Variants in UPF3B observed in about 807,000 individuals in gnomAD.
UPF3B encodes UPF3B regulator of nonsense mediated mRNA decay.
Under a neutral mutation model 40.3 loss-of-function variants are expected in UPF3B, and 7 were observed. That is an observed-to-expected ratio of 0.17 (90% CI 0.10 to 0.33). The LOEUF (loss-of-function observed/expected upper bound fraction) is 0.33. UPF3B is among the 10% of genes least tolerant of loss of function. The pLI is 1.00. For synonymous variants in UPF3B, 117 were observed against 117.3 expected, an observed-to-expected ratio of 1.00 and a Z score of 0.01; for missense variants, 229 against 358.9, an observed-to-expected ratio of 0.64 and a Z score of 2.93.
intron 8 of UPF3B, among the ~76,000 whole-genome samples, chrX:119,839,802 T>C (rs1471002206): frequency 8.9e-6 from 1 of 112,150 alleles, no homozygotes; most frequent in Non-Finnish European, 1.9e-5. Flanking sequence ...AACATCCTTA[T>C]TAGAAACCAA....
chrX:119,815,563 G>A (rs765424541), intron 4 of UPF3B, among the ~76,000 whole-genome samples: 51 of 111,168 alleles, frequency 4.6e-4, no homozygotes, highest in Non-Finnish European at 8.3e-4. Context: ...TGTCACTCAG[G>A]CTGAAGTGCA....
intron 5 of UPF3B, among the ~76,000 whole-genome samples, chrX:119,808,166 C>A (rs2055806583): frequency 9.0e-6 from 1 of 111,673 alleles, no homozygotes; most frequent in African/African-American, 3.3e-5. Flanking sequence ...AGGGATGAGC[C>A]ACCGTGCCTG....
intron 3 of UPF3B, among the ~76,000 whole-genome samples, chrX:119,846,631 T>TA (rs750265059): frequency 0.051 from 5,531 of 107,963 alleles, 303 homozygotes; most frequent in African/African-American, 0.17. Context: ...TGTTAACACT[T>TA]AAAAAAAAAT....
downstream of UPF3B, among the ~76,000 whole-genome samples, chrX:119,830,469 G>A (rs748777849): frequency 7.4e-4 from 82 of 111,070 alleles, no homozygotes; most frequent in Non-Finnish European, 1.3e-3. Context: ...TCCACCATGA[G>A]TAAAAGCTCC....
At chrX:119,827,814 C>T (rs1406099273) in intron 3 of UPF3B, among the ~76,000 whole-genome samples, 1 of 110,497 alleles carries the variant, frequency 9.1e-6, no homozygotes, top group Non-Finnish European at 1.9e-5. Context: ...CTCACTGCAA[C>T]CTTTGCCTCC....
intron 3 of UPF3B, among the ~76,000 whole-genome samples, chrX:119,828,766 G>C (rs986086264): frequency 9.1e-6 from 1 of 110,339 alleles, no homozygotes; most frequent in African/African-American, 3.3e-5. Context: ...TGTCACCTGG[G>C]CTAGAGTGCA....
chrX:119,852,853 C>T lies in UPF3B; in HGVS notation c.76G>A (p.Gly26Ser), dbSNP rs1050045607. ...LLTPAGATGS[G>S]GGTSGDSSKG... ...GAGCTGTCCCCCGAGGTCCCACCAC[C>T]GCTGCCTGTGGCCCCGGCGGGGGTT... Residue 26 changes from glycine (G) to serine (S), a missense_variant, in exon 1 of 11, where the codon GGT becomes AGT. By Grantham distance (56) the Gly-to-Ser change is moderately conservative. This residue lies in a region of UPF3B where 23 missense variants were observed against 21.0 expected (regional missense o/e 1.10). Transcript: ENST00000276201. The T allele has an allele frequency of 1.3e-5, 16 of 1,211,238 alleles. No homozygotes were observed. The Middle Eastern group carries it at 2.3e-3, about 173-fold the overall frequency.
rs764791662 is a variant in UPF3B, at chrX:119,838,533, A to C, written c.847-6T>G. On this transcript the variant is annotated splice_region_variant and splice_polypyrimidine_tract_variant and intron_variant, in intron 8 of 10. Transcript: ENST00000276201. ...TTTTCTGGCTTCTTGAGCAGCTTTA[A>C]AGATAAAATGTTTATTTTTATTTTG... is the stretch of plus-strand genomic sequence containing the variant. The C allele has an allele frequency of 1.7e-6, 2 of 1,206,410 alleles. No individual in the cohort carries two copies. The highest frequency in any genetic ancestry group is 2.2e-6 in the Non-Finnish European group (2 of 893,075).
At chrX:119,805,547 G>A (rs926666610) in intron 6 of UPF3B, 1 of 111,631 alleles carries the variant, frequency 9.0e-6, no homozygotes, top group African/African-American at 3.3e-5. Flanking sequence ...AGGGTGAACA[G>A]GCAACCTACA....
intron 3 of UPF3B, 96 bp from the exon 4 acceptor site, chrX:119,845,392 T>C: frequency 2.8e-6 from 2 of 713,631 alleles, no homozygotes; most frequent in Non-Finnish European, 4.3e-6. Context: ...ACTCTTTTGA[T>C]GGCAGTCATC....
intron 5 of UPF3B, among the ~76,000 whole-genome samples, chrX:119,842,439 C>T (rs370776038): frequency 2.7e-5 from 3 of 109,672 alleles, no homozygotes; most frequent in East Asian, 5.7e-4. Flanking sequence ...CAAAATTGGC[C>T]GGGCGTGGTG....
At position 119,851,006 on chromosome X, in the gene UPF3B, C is replaced by T. The variant is rs1398483200; in HGVS notation, c.370+489G>A. On this transcript the variant is annotated intron_variant, in intron 3 of 10. Coordinates refer to ENST00000276201, the MANE Select transcript of UPF3B (RefSeq NM_080632.3). ...CCACCTGCCTCGGCATCCCAAAGTG[C>T]TGGGATAACAGGCGTGAGCCACCAC... Among the ~76,000 whole-genome samples the T allele has an allele frequency of 2.7e-5, 3 of 112,396 alleles. No homozygotes were observed. In the East Asian group the frequency reaches 8.3e-4, roughly 31 times the overall value.
intron 5 of UPF3B, among the ~76,000 whole-genome samples, chrX:119,812,579 C>T (rs901106867): frequency 9.0e-6 from 1 of 111,579 alleles, no homozygotes; most frequent in African/African-American, 3.2e-5. Flanking sequence ...ACACTTTTCT[C>T]TTAGATTAAG....
At chrX:119,843,836 T>A (rs1437278415) in intron 4 of UPF3B, among the ~76,000 whole-genome samples, 1 of 112,111 alleles carries the variant, frequency 8.9e-6, no homozygotes, top group African/African-American at 3.2e-5. Context: ...CTTACCGTGT[T>A]TTCTTTATAA....
chrX:119,841,682 TGCAAA>T, intron 6 of UPF3B, 48 bp downstream of exon 6: 3 of 1,087,978 alleles, frequency 2.8e-6, no homozygotes, highest in Admixed American at 4.5e-5. Flanking sequence ...GTTTATAGAA[TGCAAA>T]GCAAAGAAAT....
chrX:119,850,079 T>C (rs2056284764), intron 3 of UPF3B, among the ~76,000 whole-genome samples: 1 of 109,169 alleles, frequency 9.2e-6, no homozygotes, highest in Non-Finnish European at 1.9e-5. Flanking sequence ...GGAAATCACT[T>C]GAGCCCAGGA....
At chrX:119,829,167 G>A (rs746225146), downstream of UPF3B, among the ~76,000 whole-genome samples, 15 of 111,803 alleles carry the variant, frequency 1.3e-4, no homozygotes, top group South Asian at 4.5e-3. Context: ...GACTACAGGC[G>A]TGCGCCATCA....
intron 3 of UPF3B, 97 bp downstream of exon 3, chrX:119,851,398 A>C: frequency 1.6e-6 from 1 of 608,758 alleles, no homozygotes. Flanking sequence ...AAGCTTATTA[A>C]ATGTGTAAAA....
At chrX:119,843,384 AAG>A in intron 4 of UPF3B, 83 bp from the exon 5 acceptor site, 1 of 691,261 alleles carries the variant, frequency 1.4e-6, no homozygotes, top group South Asian at 2.4e-5. Flanking sequence ...TGATTTATCA[AAG>A]AAGATAATTT....
Sources: gnomAD v4.1 joint callset for allele counts (sites outside exome capture counted in the v4.1 genomes callset) on GRCh38, gnomAD v4.1.1 for gene constraint, gnomAD v4.1.1 regional missense constraint, MANE v1.5 for transcripts, NCBI Gene and HGNC (gene_info 2026-07-23, HGNC 2026-07-21) for gene names.